The following CCSER1 variants were observed in gnomAD, a reference collection of about 807,000 sequenced individuals.
CCSER1 encodes the protein serine-rich coiled-coil domain-containing protein 1.
Under a neutral mutation model 82.0 loss-of-function variants are expected in CCSER1, and 41 were observed. The observed-to-expected ratio is 0.50, with a 90% CI of 0.39 to 0.65. CCSER1 has a LOEUF of 0.65. Ranked by LOEUF, CCSER1 falls within the 30% of genes least tolerant of loss-of-function variation. CCSER1 has a pLI of 0.00. For missense variants in CCSER1, 1,119 were observed against 1,064.2 expected (o/e 1.05, Z -0.72); for synonymous variants, 414 against 383.9 (o/e 1.08, Z -0.92).
At chr4:90,899,214 A>G (rs952486641) in intron 8 of CCSER1, among the ~76,000 whole-genome samples, 6 of 151,984 alleles carry the variant, frequency 3.9e-5, no homozygotes, top group African/African-American at 9.7e-5. Context: ...TTTTGTGGCA[A>G]TTGTAAATGG....
At chr4:91,107,314 G>A (rs900010992) in intron 10 of CCSER1, among the ~76,000 whole-genome samples, 2 of 152,136 alleles carry the variant, frequency 1.3e-5, no homozygotes, top group African/African-American at 4.8e-5. Flanking sequence ...GAGTGCAGTG[G>A]CGTGATCTTG....
intron 1 of CCSER1, among the ~76,000 whole-genome samples, chr4:90,274,208 C>T (rs1050223954): frequency 6.6e-6 from 1 of 151,892 alleles, no homozygotes; most frequent in Admixed American, 6.6e-5. Flanking sequence ...GAGCTTTACC[C>T]AAACTTTAAG....
At chr4:91,205,168 C>G (rs1220290266) in intron 10 of CCSER1, among the ~76,000 whole-genome samples, 1 of 151,562 alleles carries the variant, frequency 6.6e-6, no homozygotes, top group East Asian at 1.9e-4. Context: ...TTGAGATATT[C>G]TGAATATACT....
At position 90,704,658 on chromosome 4, in the gene CCSER1, A is replaced by C. The variant is rs1282791160; in HGVS notation, c.1933-19256A>C. Among the ~76,000 whole-genome samples the C allele has an allele frequency of 3.9e-5, 6 of 152,146 alleles. No homozygotes were observed. The South Asian group carries it at 1.2e-3, about 31-fold the overall frequency. ...TTTCACATAGTCCCATATTTCTTGGAGGCTTTGTTCATTTCTTTTTGCTCT... is the reference window on the plus strand; with the variant it reads ...TTTCACATAGTCCCATATTTCTTGGCGGCTTTGTTCATTTCTTTTTGCTCT... On this transcript the variant is annotated intron_variant, in intron 6 of 10. Coordinates refer to ENST00000509176, the MANE Select transcript of CCSER1 (RefSeq NM_001145065.2).
At chr4:91,361,979 T>C (rs1387678945) in intron 10 of CCSER1, among the ~76,000 whole-genome samples, 1 of 151,712 alleles carries the variant, frequency 6.6e-6, no homozygotes, top group Non-Finnish European at 1.5e-5. Flanking sequence ...AAAAAACCTC[T>C]CTGAGCAGAT....
chr4:90,450,101 A>T (rs1359294232), intron 4 of CCSER1, among the ~76,000 whole-genome samples: 1 of 152,076 alleles, frequency 6.6e-6, no homozygotes, highest in Non-Finnish European at 1.5e-5. Flanking sequence ...CTGACAAGGG[A>T]CATTGTTTTG....
chr4:91,229,267 A>G (rs1296546766), intron 10 of CCSER1, among the ~76,000 whole-genome samples: 3 of 135,468 alleles, frequency 2.2e-5, no homozygotes, highest in African/African-American at 8.7e-5. Flanking sequence ...TATCAAAAAA[A>G]CCCCAAAAAA....
chr4:90,903,403 C>G (rs1334088102), intron 8 of CCSER1, among the ~76,000 whole-genome samples: 1 of 152,062 alleles, frequency 6.6e-6, no homozygotes, highest in Non-Finnish European at 1.5e-5. Flanking sequence ...CTGAGGCCTC[C>G]TCAGCCGTCT....
chr4:90,817,844 C>T (rs1317596029), intron 8 of CCSER1, among the ~76,000 whole-genome samples: 3 of 152,096 alleles, frequency 2.0e-5, no homozygotes, highest in African/African-American at 7.2e-5. Flanking sequence ...TTTTGGTCCT[C>T]CTATTTCTGG....
chr4:91,520,630 C>T (rs1187304054), intron 10 of CCSER1, among the ~76,000 whole-genome samples: 1 of 152,144 alleles, frequency 6.6e-6, no homozygotes, highest in Admixed American at 6.6e-5. Flanking sequence ...TTTGTTTCTT[C>T]ATATGGATTC....
At chr4:90,210,941 G>C (rs1739875593) in intron 1 of CCSER1, among the ~76,000 whole-genome samples, 1 of 151,884 alleles carries the variant, frequency 6.6e-6, no homozygotes, top group African/African-American at 2.4e-5. Flanking sequence ...TGAGAATTCT[G>C]TTGTCTTATG....
At chr4:90,167,136 T>G (rs1161256237) in intron 1 of CCSER1, among the ~76,000 whole-genome samples, 1 of 152,076 alleles carries the variant, frequency 6.6e-6, no homozygotes, top group Admixed American at 6.6e-5. Flanking sequence ...CATTTCTATG[T>G]TAAAGTACTT....
intron 1 of CCSER1, among the ~76,000 whole-genome samples, chr4:90,221,012 G>C (rs764488296): frequency 6.6e-6 from 1 of 152,034 alleles, no homozygotes; most frequent in Non-Finnish European, 1.5e-5. Context: ...TTTAGAAATT[G>C]AATTTATATA....
At chr4:91,002,326 T>C (rs571034462) in intron 9 of CCSER1, among the ~76,000 whole-genome samples, 9 of 152,360 alleles carry the variant, frequency 5.9e-5, no homozygotes, top group Admixed American at 4.6e-4. Flanking sequence ...AGTTTTCCTT[T>C]ATTATTCCCC....
intron 10 of CCSER1, among the ~76,000 whole-genome samples, chr4:91,523,181 G>A (rs564223321): frequency 6.6e-6 from 1 of 152,290 alleles, no homozygotes; most frequent in Non-Finnish European, 1.5e-5. Context: ...TATGTTTATT[G>A]ATTTGCATAT....
Position 90,310,399 on chromosome 4 carries a change from A to G in CCSER1, c.1324+791A>G, listed in dbSNP as rs571191265. Among the ~76,000 whole-genome samples the G allele has an allele frequency of 2.1e-3, 325 of 152,202 alleles. 2 individuals carry two copies. The highest frequency in any genetic ancestry group is 1.4e-3 in the Non-Finnish European group (92 of 67,958). ...ATATTTTAATTCCTTTTTCTCTACTATCATTAATGCTACTACTGCTACTAA... is the reference window on the plus strand; with the variant it reads ...ATATTTTAATTCCTTTTTCTCTACTGTCATTAATGCTACTACTGCTACTAA... On this transcript the variant is annotated intron_variant, in intron 2 of 10. Coordinates refer to ENST00000509176, the MANE Select transcript of CCSER1 (RefSeq NM_001145065.2).
chr4:90,757,865 G>A (rs753243369), intron 7 of CCSER1, among the ~76,000 whole-genome samples: 13 of 151,718 alleles, frequency 8.6e-5, no homozygotes, highest in Non-Finnish European at 1.9e-4. Flanking sequence ...ATGTAAAAAT[G>A]TAAAGTAGGC....
At chr4:90,785,457 A>G (rs1160714018) in intron 7 of CCSER1, among the ~76,000 whole-genome samples, 3 of 152,234 alleles carry the variant, frequency 2.0e-5, no homozygotes, top group African/African-American at 7.2e-5. Flanking sequence ...TCAAGTGGCA[A>G]TGGAAGAACA....
chr4:91,577,138 A>T (rs1402161287), intron 10 of CCSER1, among the ~76,000 whole-genome samples: 1 of 152,038 alleles, frequency 6.6e-6, no homozygotes, highest in Non-Finnish European at 1.5e-5. Context: ...GAAACCTGAT[A>T]TTAACACAGG....
Sources: allele counts gnomAD v4.1 joint callset (sites outside exome capture counted in the v4.1 genomes callset), GRCh38; gene constraint gnomAD v4.1.1; transcripts MANE v1.5; gene names NCBI Gene and HGNC (gene_info 2026-07-23, HGNC 2026-07-21).